The following INSL6 variants were observed in gnomAD, a reference collection of about 807,000 sequenced individuals.
INSL6 encodes the protein insulin-like peptide INSL6.
A neutral mutation model predicts 9.4 loss-of-function variants in INSL6; 16 were observed. The ratio of observed to expected loss-of-function variants is 1.70; its 90% confidence interval spans 1.15 to 2.59. INSL6 has a LOEUF of 2.59. INSL6 is among the 30% of genes most tolerant of loss of function. INSL6 has a pLI of 0.00. For missense variants in INSL6, 391 were observed against 257.3 expected (o/e 1.52, Z -3.56); for synonymous variants, 154 against 96.9 (o/e 1.59, Z -3.46).
At chr9:5,098,716 C>CAT in the INSL6 span, 1 of 147,086 alleles carries the variant, frequency 6.8e-6, no homozygotes. Flanking sequence ...TTTTTTGAGA[C>CAT]AGAGTCTCGC....
intron 2 of INSL6, among the ~76,000 whole-genome samples, chr9:5,152,777 AGC>A (rs1337350140): frequency 6.6e-6 from 1 of 152,238 alleles, no homozygotes; most frequent in Admixed American, 6.5e-5. Context: ...AAACAGGAAC[AGC>A]TCCAGTCGGC....
chr9:5,120,855 G>A (rs1181731803), downstream of INSL6, among the ~76,000 whole-genome samples: 3 of 152,168 alleles, frequency 2.0e-5, no homozygotes, highest in African/African-American at 4.8e-5. Flanking sequence ...AGATTGTGAT[G>A]CTATTTATTG....
the INSL6 span, among the ~76,000 whole-genome samples, chr9:4,997,462 C>T: frequency 6.6e-6 from 1 of 152,126 alleles, no homozygotes; most frequent in Non-Finnish European, 1.5e-5. Flanking sequence ...AAGGTGCACA[C>T]ACTTTTAAAC....
chr9:5,090,622 G>C, the INSL6 span: 1 of 1,539,648 alleles, frequency 6.5e-7, no homozygotes, highest in Non-Finnish European at 8.7e-7. Context: ...TGTTGAAGTA[G>C]ACATTAGGAA....
the INSL6 span, chr9:5,069,047 ACT>A: frequency 1.3e-6 from 2 of 1,598,290 alleles, no homozygotes; most frequent in Non-Finnish European, 1.7e-6. Flanking sequence ...GAATATAAAC[ACT>A]GTTTGATTAC....
the INSL6 span, chr9:5,080,428 A>G: frequency 1.9e-6 from 3 of 1,552,608 alleles, no homozygotes; most frequent in Non-Finnish European, 2.6e-6. Flanking sequence ...CTGAACTTTC[A>G]TATTTCTTTC....
At chr9:5,030,210 G>C in the INSL6 span, among the ~76,000 whole-genome samples, 1 of 152,186 alleles carries the variant, frequency 6.6e-6, no homozygotes, top group East Asian at 1.9e-4. Context: ...CTAAATGTTT[G>C]GGATATTGCT....
the INSL6 span, among the ~76,000 whole-genome samples, chr9:5,079,622 C>A: frequency 1.2e-3 from 177 of 151,614 alleles, no homozygotes; most frequent in African/African-American, 4.1e-3. Context: ...TATCATGGGG[C>A]AATTTTAGGA....
At chr9:5,092,067 G>A in the INSL6 span, among the ~76,000 whole-genome samples, 1 of 152,074 alleles carries the variant, frequency 6.6e-6, no homozygotes, top group East Asian at 1.9e-4. Context: ...GTAAAACAAG[G>A]TTGTCCTATT....
chr9:5,084,371 C>G, the INSL6 span, among the ~76,000 whole-genome samples: 2 of 152,090 alleles, frequency 1.3e-5, no homozygotes, highest in Non-Finnish European at 2.9e-5. Context: ...AATCAAAATG[C>G]CATTCCTACA....
At chr9:5,054,939 A>C in the INSL6 span, 1 of 1,301,254 alleles carries the variant, frequency 7.7e-7, no homozygotes, top group Non-Finnish European at 1.1e-6. The surrounding 1 kb of genome is among the most constrained non-coding windows in gnomAD (Gnocchi z 4.9). Context: ...AATGGAAATA[A>C]AAACAAAGTA....
the INSL6 span, among the ~76,000 whole-genome samples, chr9:5,005,464 G>A: frequency 2.6e-5 from 4 of 151,946 alleles, no homozygotes; most frequent in South Asian, 8.3e-4. Flanking sequence ...TTTAAATCTG[G>A]TATAATGATT....
At chr9:5,049,658 G>A in the INSL6 span, among the ~76,000 whole-genome samples, 1 of 152,166 alleles carries the variant, frequency 6.6e-6, no homozygotes, top group African/African-American at 2.4e-5. Flanking sequence ...TCCCCTTGAT[G>A]ACTGAGACCA....
chr9:5,108,502 T>TTA, the INSL6 span: 2 of 152,122 alleles, frequency 1.3e-5, no homozygotes, highest in Non-Finnish European at 2.9e-5. Context: ...TCCAATAATC[T>TTA]TATATGACTA....
chr9:5,117,595 A>C, the INSL6 span, among the ~76,000 whole-genome samples: 1 of 152,184 alleles, frequency 6.6e-6, no homozygotes, highest in Non-Finnish European at 1.5e-5. Context: ...ACTCTTATCA[A>C]AGTTTATTTT....
At chr9:5,151,465 A>T (rs779252447) in intron 2 of INSL6, among the ~76,000 whole-genome samples, 7 of 152,122 alleles carry the variant, frequency 4.6e-5, no homozygotes, top group Non-Finnish European at 8.8e-5. Context: ...TAATGCATGC[A>T]GCAGTAAAAT....
At chr9:5,041,397 A>G in the INSL6 span, 1 of 628,334 alleles carries the variant, frequency 1.6e-6, no homozygotes, top group East Asian at 3.0e-5. Context: ...AGCCACTGCA[A>G]CAACCTGGAG....
At chr9:5,183,675 A>C (rs1406877734) in intron 1 of INSL6, among the ~76,000 whole-genome samples, 1 of 152,190 alleles carries the variant, frequency 6.6e-6, no homozygotes, top group African/African-American at 2.4e-5. Context: ...GTGAAAGCAC[A>C]GTATTTGATG....
the INSL6 span, among the ~76,000 whole-genome samples, chr9:5,075,502 GTC>G: frequency 6.6e-6 from 1 of 152,172 alleles, no homozygotes; most frequent in Admixed American, 6.5e-5. Context: ...ATTATGCTAA[GTC>G]TACTCTGCCT....
Sources: allele counts gnomAD v4.1 joint callset (sites outside exome capture counted in the v4.1 genomes callset), GRCh38; gene constraint gnomAD v4.1.1; non-coding constraint Gnocchi (gnomAD v3.1); transcripts MANE v1.5; gene names NCBI Gene and HGNC (gene_info 2026-07-23, HGNC 2026-07-21).